The following CWH43 variants were observed in gnomAD, a reference collection of about 807,000 sequenced individuals.
The protein encoded by CWH43 is PGAP2-interacting protein.
Under a neutral mutation model 85.7 loss-of-function variants are expected in CWH43, and 91 were observed. The observed-to-expected ratio is 1.06, with a 90% CI of 0.90 to 1.26. The LOEUF (loss-of-function observed/expected upper bound fraction) is 1.26, where lower values mean the gene tolerates loss of function less well. CWH43 is among the 50% of genes most tolerant of loss of function. CWH43 has a pLI of 0.00. For missense variants in CWH43, 869 were observed against 839.2 expected (o/e 1.04, Z -0.44); for synonymous variants, 323 against 293.6 (o/e 1.10, Z -1.02).
chr4:49,057,297 C>G (rs989356687), intron 15 of CWH43, among the ~76,000 whole-genome samples: 1 of 152,172 alleles, frequency 6.6e-6, no homozygotes, highest in Admixed American at 6.5e-5. Context: ...TTGGTTCAGT[C>G]CGGGAAGGCA....
intron 4 of CWH43, among the ~76,000 whole-genome samples, chr4:48,994,408 A>G (rs775672540): frequency 3.9e-5 from 6 of 152,184 alleles, no homozygotes; most frequent in African/African-American, 7.2e-5. Flanking sequence ...CCCTTAAACC[A>G]TTCCTTATCT....
chr4:48,997,612 T>C (rs941036406), intron 5 of CWH43, among the ~76,000 whole-genome samples: 1 of 152,140 alleles, frequency 6.6e-6, no homozygotes. Flanking sequence ...GAGCAGGCAG[T>C]AATGTGGCTA....
chr4:49,025,292 T>C (rs1162450913), intron 9 of CWH43, among the ~76,000 whole-genome samples: 2 of 152,106 alleles, frequency 1.3e-5, no homozygotes, highest in Non-Finnish European at 2.9e-5. Flanking sequence ...AGTCTGACTT[T>C]ACCTTTTTCT....
chr4:49,061,440 G>A (rs1685585683), intron 15 of CWH43, among the ~76,000 whole-genome samples: 12 of 152,166 alleles, frequency 7.9e-5, no homozygotes, highest in Admixed American at 7.9e-4. Context: ...ATTAACACAT[G>A]TAGACAATTT....
In CWH43 at chr4:48,991,508, C is replaced by A. The variant is rs746573645; in HGVS notation, c.290C>A (p.Ala97Glu). ...PNAKLRLMVL[A>E]LGVSSSLIVQ... ...GCCAAACTTCGACTGATGGTTCTTGCGCTTGGGGTGTCTTCCTCACTGATA... is the reference window on the plus strand; with the variant it reads ...GCCAAACTTCGACTGATGGTTCTTGAGCTTGGGGTGTCTTCCTCACTGATA... The change falls in exon 3 of 16, where the codon GCG becomes GAG. Residue 97 changes from alanine to glutamate, a missense_variant. Around this residue, in one of 3 missense-constraint regions of CWH43, gnomAD observed 140 missense variants for 122.6 expected, o/e 1.14. Transcript: ENST00000226432. 1 of 1,614,010 alleles carries A rather than the reference C, an allele frequency of 6.2e-7. No homozygotes were observed. The highest frequency in any genetic ancestry group is 8.5e-7 in the Non-Finnish European group (1 of 1,179,956).
intron 15 of CWH43, among the ~76,000 whole-genome samples, chr4:49,057,382 T>C (rs1396211884): frequency 1.3e-5 from 2 of 152,158 alleles, no homozygotes; most frequent in African/African-American, 2.4e-5. Context: ...AGACAAATGG[T>C]TGCATTCTTT....
chr4:48,986,759 C>A (rs1208568219), intron 1 of CWH43: 2 of 1,277,326 alleles, frequency 1.6e-6, no homozygotes, highest in South Asian at 2.2e-5. Context: ...GAATTCTCCT[C>A]GTGTCGGCCT....
At chr4:49,038,306 C>T (rs1459555149) in intron 13 of CWH43, 126 bp downstream of exon 13, 1 of 694,540 alleles carries the variant, frequency 1.4e-6, no homozygotes, top group Non-Finnish European at 2.3e-6. Flanking sequence ...CCTAGAAAAT[C>T]ACCACAAAAC....
chr4:49,052,266 G>T (rs1423609211), intron 15 of CWH43, among the ~76,000 whole-genome samples: 1 of 152,102 alleles, frequency 6.6e-6, no homozygotes, highest in Non-Finnish European at 1.5e-5. Context: ...TCATCTGTCT[G>T]GTTCAAATCC....
At chr4:49,058,579 T>A (rs1416188167) in intron 15 of CWH43, among the ~76,000 whole-genome samples, 1 of 152,238 alleles carries the variant, frequency 6.6e-6, no homozygotes, top group African/African-American at 2.4e-5. Flanking sequence ...TACTTTCATA[T>A]GTGTTCACAT....
rs117694785 is a variant in CWH43 at position 49,018,487 on chromosome 4, T to G, written c.1266+1159T>G. ...TAGGAAAACTCTTACAGATAATTCT[T>G]GATTTTGCACATTATGGGTAGCTTA... On this transcript the variant is annotated intron_variant, in intron 9 of 15. Transcript: ENST00000226432. Among the ~76,000 whole-genome samples, 28 of 152,364 alleles carry G rather than the reference T, an allele frequency of 1.8e-4. No homozygotes were observed. The East Asian group carries it at 5.0e-3, about 27-fold the overall frequency.
chr4:49,041,712 T>C (rs1294287403), intron 13 of CWH43, among the ~76,000 whole-genome samples: 1 of 152,172 alleles, frequency 6.6e-6, no homozygotes, highest in Non-Finnish European at 1.5e-5. Flanking sequence ...GGAATCTGTG[T>C]TCTACCTTGT....
At chr4:49,042,657 A>G (rs1314740900) in intron 13 of CWH43, among the ~76,000 whole-genome samples, 2 of 152,282 alleles carry the variant, frequency 1.3e-5, no homozygotes, top group African/African-American at 4.8e-5. Flanking sequence ...AGAGTGCTAG[A>G]GTTAGAGAAG....
chr4:49,036,165 C>A (rs1323127910), intron 12 of CWH43, among the ~76,000 whole-genome samples: 2 of 152,160 alleles, frequency 1.3e-5, no homozygotes, highest in Non-Finnish European at 2.9e-5. Context: ...GGGAAGGAAT[C>A]CCTGAATGTT....
intron 10 of CWH43, among the ~76,000 whole-genome samples, chr4:49,030,027 A>AT (rs994002251): frequency 1.3e-5 from 2 of 151,782 alleles, no homozygotes; most frequent in Admixed American, 1.3e-4. Flanking sequence ...TCTGTGTCTC[A>AT]TTTTTTTTCT....
intron 14 of CWH43, among the ~76,000 whole-genome samples, chr4:49,045,807 T>C (rs1425374909): frequency 2.6e-5 from 4 of 152,168 alleles, no homozygotes; most frequent in Non-Finnish European, 5.9e-5. Context: ...AATACTTGTA[T>C]GTATACTGAT....
At chr4:49,016,267 G>GT (rs1183133369) in intron 8 of CWH43, among the ~76,000 whole-genome samples, 10 of 152,030 alleles carry the variant, frequency 6.6e-5, no homozygotes, top group African/African-American at 1.2e-4. Flanking sequence ...AAATTTAGGT[G>GT]TTTTTTTTCC....
rs202036488 is a variant in CWH43 at position 49,029,217 on chromosome 4, A to G, written c.1372+483A>G. On this transcript the variant is annotated intron_variant, in intron 10 of 15. Coordinates refer to ENST00000226432, the MANE Select transcript of CWH43 (RefSeq NM_025087.3). ...ATTGTTTTGCCTTGAGATGCTGTTA[A>G]TCTGTAACTTTAGCCCTAATCCTGT... 3.3e-5 allele frequency among the ~76,000 whole-genome samples: 5 copies of G among 152,236 alleles called. No homozygotes were observed. The East Asian group carries it at 9.6e-4, about 29-fold the overall frequency.
At chr4:49,037,945 A>G in intron 12 of CWH43, 91 bp from the exon 13 acceptor site, 1 of 1,088,376 alleles carries the variant, frequency 9.2e-7, no homozygotes, top group Non-Finnish European at 1.3e-6. Flanking sequence ...TCTTCACTAT[A>G]TGCAGATAGT....
Sources: allele counts gnomAD v4.1 joint callset (sites outside exome capture counted in the v4.1 genomes callset), GRCh38; gene constraint gnomAD v4.1.1; regional missense constraint gnomAD v4.1.1; transcripts MANE v1.5; gene names NCBI Gene and HGNC (gene_info 2026-07-23, HGNC 2026-07-21).